EBF1: variants seen among roughly 807,000 people sequenced by gnomAD.
EBF1 encodes EBF transcription factor 1.
A neutral mutation model predicts 68.4 loss-of-function variants in EBF1; 10 were observed. The ratio of observed to expected loss-of-function variants is 0.15; its 90% CI spans 0.09 to 0.25. The LOEUF (loss-of-function observed/expected upper bound fraction) is 0.25. Among genes scored for constraint, EBF1 ranks in the 10% least tolerant of loss-of-function variants. EBF1 has a pLI of 1.00. For missense variants in EBF1, 509 were observed against 794.4 expected (o/e 0.64, Z 4.32); for synonymous variants, 298 against 299.8 (o/e 0.99, Z 0.06).
intron 8 of EBF1, among the ~76,000 whole-genome samples, chr5:158,799,471 A>G (rs138237460): frequency 1.1e-4 from 17 of 152,290 alleles, no homozygotes; most frequent in Non-Finnish European, 1.9e-4. Flanking sequence ...TAAGTATCCA[A>G]CAATGCATGA....
intron 6 of EBF1, among the ~76,000 whole-genome samples, chr5:158,969,919 A>AGAAG (rs199980397): frequency 0.031 from 1,879 of 60,152 alleles, 128 homozygotes; most frequent in African/African-American, 0.036. Context: ...AAAGAAAGAA[A>AGAAG]AAAAAAAAAA....
chr5:159,089,356 A>G (rs1003437949), intron 4 of EBF1, among the ~76,000 whole-genome samples: 3 of 152,170 alleles, frequency 2.0e-5, no homozygotes, highest in African/African-American at 7.2e-5. Flanking sequence ...AAAATCAACC[A>G]ATCAATCAAT....
At chr5:159,095,741 A>T in intron 3 of EBF1, 66 bp from the exon 4 acceptor site, 2 of 1,535,988 alleles carry the variant, frequency 1.3e-6, no homozygotes, top group East Asian at 4.5e-5. Context: ...GGTGGACAAT[A>T]ATTAACAACA....
At chr5:158,776,579 G>C (rs987803300) in intron 10 of EBF1, among the ~76,000 whole-genome samples, 1 of 152,134 alleles carries the variant, frequency 6.6e-6, no homozygotes, top group African/African-American at 2.4e-5. Flanking sequence ...GGACTAGTTC[G>C]TGGAGACAGC....
At chr5:158,883,376 GTA>G (rs753786053) in intron 6 of EBF1, among the ~76,000 whole-genome samples, 32 of 148,674 alleles carry the variant, frequency 2.2e-4, no homozygotes, top group African/African-American at 3.7e-4. Flanking sequence ...ATACATACAT[GTA>G]TATATATACA....
intron 6 of EBF1, among the ~76,000 whole-genome samples, chr5:158,936,993 C>T (rs1812156333): frequency 6.6e-6 from 1 of 151,290 alleles, no homozygotes; most frequent in South Asian, 2.1e-4. Context: ...TGGAGGAGGG[C>T]AACCGAAAGC....
Position 158,905,016 on chromosome 5 carries a change from A to T in EBF1, c.555-64906T>A, listed in dbSNP as rs1278188294. Among the ~76,000 whole-genome samples, 3 of 152,230 alleles carry T rather than the reference A, an allele frequency of 2.0e-5. No individual in the cohort carries two copies. In the East Asian group the frequency reaches 5.8e-4, roughly 29 times the overall value. ...CACTGTGAATTCTCATATTATTCACATCTCACAGCATTCTGTTTATCATCC... is the reference window on the plus strand; with the variant it reads ...CACTGTGAATTCTCATATTATTCACTTCTCACAGCATTCTGTTTATCATCC... On this transcript the variant is annotated intron_variant, in intron 6 of 15. Transcript: ENST00000313708.
At chr5:158,947,431 C>T (rs1815011473) in intron 6 of EBF1, among the ~76,000 whole-genome samples, 1 of 152,192 alleles carries the variant, frequency 6.6e-6, no homozygotes, top group African/African-American at 2.4e-5. Context: ...CACGGCTTCC[C>T]TTGGCTAGGG....
intron 11 of EBF1, among the ~76,000 whole-genome samples, chr5:158,717,731 T>C (rs1337340914): frequency 3.3e-5 from 5 of 152,120 alleles, no homozygotes; most frequent in African/African-American, 4.8e-5. Context: ...TAATGTTTGT[T>C]CTCCAATCTA....
chr5:159,078,729 C>T (rs934478030), intron 5 of EBF1, among the ~76,000 whole-genome samples: 2 of 152,202 alleles, frequency 1.3e-5, no homozygotes, highest in African/African-American at 4.8e-5. Flanking sequence ...GTAGCCAGCA[C>T]CTGGTGTGGT....
intron 6 of EBF1, among the ~76,000 whole-genome samples, chr5:159,003,795 C>T (rs1372270756): frequency 6.6e-6 from 1 of 152,172 alleles, no homozygotes; most frequent in African/African-American, 2.4e-5. Context: ...TATCACTGCT[C>T]CCGTTCTAAA....
At chr5:158,766,147 T>A (rs1382165042) in intron 10 of EBF1, among the ~76,000 whole-genome samples, 1 of 152,162 alleles carries the variant, frequency 6.6e-6, no homozygotes, top group Non-Finnish European at 1.5e-5. Context: ...AAATGTAGTA[T>A]CTTTTTAAGG....
At chr5:158,925,187 TA>T (rs1809391555) in intron 6 of EBF1, among the ~76,000 whole-genome samples, 2 of 152,292 alleles carry the variant, frequency 1.3e-5, no homozygotes, top group South Asian at 2.1e-4. Context: ...CAATCTAAAG[TA>T]ATCCCTATCG....
intron 6 of EBF1, among the ~76,000 whole-genome samples, chr5:158,896,522 C>G (rs888137902): frequency 6.6e-6 from 1 of 152,036 alleles, no homozygotes; most frequent in African/African-American, 2.4e-5. Flanking sequence ...TATTATTACC[C>G]ACAACTTCCT....
At chr5:158,742,758 A>C (rs1766694044) in intron 10 of EBF1, among the ~76,000 whole-genome samples, 1 of 152,072 alleles carries the variant, frequency 6.6e-6, no homozygotes, top group Non-Finnish European at 1.5e-5. Context: ...AAATTCTACC[A>C]CCTCTGGTTC....
intron 6 of EBF1, among the ~76,000 whole-genome samples, chr5:158,969,920 A>AGAAAGAAAGAAAG (rs770651883): frequency 5.7e-4 from 39 of 68,616 alleles, no homozygotes; most frequent in Admixed American, 1.3e-3. Context: ...AAGAAAGAAA[A>AGAAAGAAAGAAAG]AAAAAAAAAA....
chr5:158,722,356 G>C (rs1322039923), intron 11 of EBF1, among the ~76,000 whole-genome samples: 4 of 152,178 alleles, frequency 2.6e-5, no homozygotes, highest in Admixed American at 6.6e-5. Context: ...AACTACTTCT[G>C]TTTCTCTTTG....
chr5:159,055,787 C>G (rs1438410687), intron 6 of EBF1, among the ~76,000 whole-genome samples: 1 of 152,174 alleles, frequency 6.6e-6, no homozygotes, highest in African/African-American at 2.4e-5. Context: ...GAAAGAGATT[C>G]TACACCAAAT....
intron 6 of EBF1, among the ~76,000 whole-genome samples, chr5:159,049,222 T>C (rs1773049017): frequency 1.3e-5 from 2 of 152,262 alleles, no homozygotes; most frequent in South Asian, 4.1e-4. Context: ...CATGACAATG[T>C]CTGCATTTTA....
Sources: allele counts gnomAD v4.1 joint callset (sites outside exome capture counted in the v4.1 genomes callset), GRCh38; gene constraint gnomAD v4.1.1; transcripts MANE v1.5; gene names NCBI Gene and HGNC (gene_info 2026-07-23, HGNC 2026-07-21).